The following CHD6 variants were observed in gnomAD, a reference collection of about 807,000 sequenced individuals.
CHD6 encodes the protein chromodomain helicase DNA binding protein 6.
In CHD6, 50 loss-of-function variants were observed where a neutral mutation model predicts 276.9. The ratio of observed to expected loss-of-function variants is 0.18; its 90% confidence interval spans 0.14 to 0.23. The LOEUF (loss-of-function observed/expected upper bound fraction) is 0.23. Ranked by LOEUF, CHD6 falls within the 10% of genes least tolerant of loss-of-function variation. CHD6 has a pLI of 1.00. For synonymous variants in CHD6, 1,173 were observed against 1,229.3 expected, an observed-to-expected ratio of 0.95 and a Z score of 0.96; for missense variants, 2,564 against 3,365.8, an observed-to-expected ratio of 0.76 and a Z score of 5.89.
In CHD6 at chr20:41,447,868, T is replaced by C; in HGVS notation, c.3773+14A>G. On this transcript the variant is annotated intron_variant, in intron 24 of 36. Coordinates refer to ENST00000373233, the MANE Select transcript of CHD6 (RefSeq NM_032221.5). ...ATTCTTTAACGTTGATATGTTAAGT[T>C]TCATTTGCTTTACCTGGCAGGAGAT... 12 of 1,583,096 alleles carry C rather than the reference T, an allele frequency of 7.6e-6. No individual in the cohort carries two copies. The highest frequency in any genetic ancestry group is 1.0e-5 in the Non-Finnish European group (12 of 1,156,102).
intron 1 of CHD6, among the ~76,000 whole-genome samples, chr20:41,573,750 T>C (rs1376153149): frequency 1.3e-5 from 2 of 152,156 alleles, no homozygotes; most frequent in Non-Finnish European, 2.9e-5. Context: ...ATAATATCAA[T>C]GAAAGTTTGA....
chr20:41,567,834 T>C (rs1043222382), intron 1 of CHD6, among the ~76,000 whole-genome samples: 13 of 152,222 alleles, frequency 8.5e-5, no homozygotes, highest in Middle Eastern at 3.4e-3. Flanking sequence ...CCCAGGAAGA[T>C]TGACTGGCAC....
At chr20:41,504,094 AAAAAAAAAAAG>A (rs1416199743) in intron 5 of CHD6, among the ~76,000 whole-genome samples, 11 of 149,458 alleles carry the variant, frequency 7.4e-5, no homozygotes, top group African/African-American at 2.5e-4. Context: ...AAAAAAAAAA[AAAAAAAAAAAG>A]AAATACATTA....
intron 29 of CHD6, 71 bp downstream of exon 29, chr20:41,425,107 T>C (rs2047318417): frequency 8.2e-7 from 1 of 1,214,376 alleles, no homozygotes; most frequent in Admixed American, 1.7e-5. Context: ...CCCTCCAAGC[T>C]ACCGGCTTTA....
At chr20:41,489,275 C>T (rs1181749898) in intron 12 of CHD6, among the ~76,000 whole-genome samples, 2 of 152,146 alleles carry the variant, frequency 1.3e-5, no homozygotes, top group African/African-American at 4.8e-5. Context: ...ATGTGCAGGA[C>T]AAACACACAA....
At chr20:41,478,284 C>T (rs2043211428) in intron 16 of CHD6, among the ~76,000 whole-genome samples, 1 of 152,140 alleles carries the variant, frequency 6.6e-6, no homozygotes, top group Admixed American at 6.6e-5. Flanking sequence ...ACAGCCTCTG[C>T]TTCTGGTAAG....
At chr20:41,437,240 G>A (rs377658584) in intron 27 of CHD6, 34 bp downstream of exon 27, 18 of 1,515,528 alleles carry the variant, frequency 1.2e-5, no homozygotes, top group South Asian at 7.9e-5. Flanking sequence ...TATGAAAGAC[G>A]GTGTAAATGA....
intron 1 of CHD6, among the ~76,000 whole-genome samples, chr20:41,591,266 C>T (rs949395188): frequency 1.1e-4 from 16 of 150,758 alleles, no homozygotes; most frequent in African/African-American, 3.4e-4. Flanking sequence ...ATGTAAATGA[C>T]GAGTTAATGG....
chr20:41,613,754 G>C (rs1568734738), intron 1 of CHD6, among the ~76,000 whole-genome samples: 1 of 152,222 alleles, frequency 6.6e-6, no homozygotes, highest in Non-Finnish European at 1.5e-5. Flanking sequence ...TATGGCGATA[G>C]GGGTATGAGA....
intron 2 of CHD6, among the ~76,000 whole-genome samples, chr20:41,543,398 T>C (rs1451074446): frequency 1.3e-5 from 2 of 152,132 alleles, no homozygotes; most frequent in South Asian, 2.1e-4. Context: ...GAAATAAGAA[T>C]CAGCAAGAAC....
chr20:41,422,268 G>A (rs887269412), intron 30 of CHD6, among the ~76,000 whole-genome samples, 189 bp from the exon 31 acceptor site: 7 of 152,310 alleles, frequency 4.6e-5, no homozygotes, highest in Non-Finnish European at 1.0e-4. Context: ...AACAAGGACA[G>A]ACCCAAAGGG....
chr20:41,581,194 C>T (rs2045534941), intron 1 of CHD6, among the ~76,000 whole-genome samples: 1 of 152,148 alleles, frequency 6.6e-6, no homozygotes, highest in Non-Finnish European at 1.5e-5. Flanking sequence ...ATAATCATCC[C>T]ATGAGATAGG....
At chr20:41,451,134 TGGATAGCCAAGG>T (rs751551332) in intron 22 of CHD6, 29 bp from the exon 23 acceptor site, 21 of 1,605,110 alleles carry the variant, frequency 1.3e-5, no homozygotes, top group Middle Eastern at 1.7e-4. Flanking sequence ...ATAGGGCAAG[TGGATAGCCAAGG>T]GGGGTGTTAC....
At chr20:41,493,435 C>T in intron 10 of CHD6, 103 bp downstream of exon 10, 1 of 1,189,054 alleles carries the variant, frequency 8.4e-7, no homozygotes, top group Non-Finnish European at 1.2e-6. Flanking sequence ...AGGTAAAATA[C>T]CACAGAAACC....
At chr20:41,565,036 C>G (rs1421177749) in intron 1 of CHD6, among the ~76,000 whole-genome samples, 1 of 151,374 alleles carries the variant, frequency 6.6e-6, no homozygotes, top group African/African-American at 2.4e-5. Context: ...TAACAGTAAA[C>G]AGCAGGCTAG....
At chr20:41,607,365 T>C (rs1227715840) in intron 1 of CHD6, among the ~76,000 whole-genome samples, 1 of 152,210 alleles carries the variant, frequency 6.6e-6, no homozygotes, top group Admixed American at 6.5e-5. Flanking sequence ...ATGATGCTTG[T>C]AGTGGCAGTT....
chr20:41,478,192 A>G (rs572444550), intron 16 of CHD6, among the ~76,000 whole-genome samples: 2 of 152,284 alleles, frequency 1.3e-5, no homozygotes, highest in East Asian at 3.9e-4. Context: ...CCTTGCTCAC[A>G]TACTCAGAGC....
chr20:41,555,063 T>C (rs1432135446), intron 1 of CHD6, among the ~76,000 whole-genome samples: 57 of 120,576 alleles, frequency 4.7e-4, no homozygotes, highest in African/African-American at 1.7e-3. Context: ...GGGGGGCTGA[T>C]TCCCCCACCT....
chr20:41,542,307 T>C (rs6072413), intron 2 of CHD6, among the ~76,000 whole-genome samples: 21,674 of 152,220 alleles, frequency 0.14, 1,746 homozygotes, highest in South Asian at 0.18. Flanking sequence ...TACAGTAGCT[T>C]TGGGCTACCA....
Sources: gnomAD v4.1 joint callset for allele counts (sites outside exome capture counted in the v4.1 genomes callset) on GRCh38, gnomAD v4.1.1 for gene constraint, MANE v1.5 for transcripts, NCBI Gene and HGNC (gene_info 2026-07-23, HGNC 2026-07-21) for gene names.